Variants in ROBO1 observed in about 807,000 individuals in gnomAD.
ROBO1 encodes the protein roundabout homolog 1.
A neutral mutation model predicts 195.9 loss-of-function variants in ROBO1; 149 were observed. The observed-to-expected ratio is 0.76, with a 90% CI of 0.67 to 0.87. The LOEUF (loss-of-function observed/expected upper bound fraction) is 0.87. ROBO1 is among the 40% of genes least tolerant of loss of function. The probability of loss-of-function intolerance (pLI) is 0.00; values close to 1 mark genes in which losing one functional copy is unlikely to be tolerated. For missense variants in ROBO1, 1,933 were observed against 2,068.3 expected (o/e 0.93, Z 1.27); for synonymous variants, 816 against 733.2 (o/e 1.11, Z -1.82).
chr3:79,604,729 T>C (rs929291072), intron 1 of ROBO1, among the ~76,000 whole-genome samples: 4 of 152,014 alleles, frequency 2.6e-5, no homozygotes, highest in African/African-American at 9.7e-5. Context: ...ATGTATTACT[T>C]AGCCAATTTA....
At chr3:79,219,547 A>G (rs990178119) in intron 2 of ROBO1, among the ~76,000 whole-genome samples, 1 of 152,018 alleles carries the variant, frequency 6.6e-6, no homozygotes, top group African/African-American at 2.4e-5. Context: ...CAAAAGGGCT[A>G]AGTTGAACCA....
chr3:78,708,934 TA>T (rs1443670742), intron 8 of ROBO1, among the ~76,000 whole-genome samples: 1 of 152,168 alleles, frequency 6.6e-6, no homozygotes, highest in Non-Finnish European at 1.5e-5. Context: ...AATAACAATG[TA>T]ATAAATCAAA....
chr3:78,927,521 T>C (rs2039287990), intron 4 of ROBO1, among the ~76,000 whole-genome samples: 1 of 152,206 alleles, frequency 6.6e-6, no homozygotes, highest in East Asian at 1.9e-4. Flanking sequence ...CATATCATTT[T>C]TGAATATTTT....
rs560096030 is a variant in ROBO1 at position 79,406,452 on chromosome 3, T to A, written c.88+183372A>T. ...TCTCAAAAAAAGATAATAATAATAA[T>A]AAAACACCAAAACAGCAACAAAAAA... On this transcript the variant is annotated intron_variant, in intron 2 of 30. Coordinates refer to ENST00000464233, the MANE Select transcript of ROBO1 (RefSeq NM_002941.4). Among the ~76,000 whole-genome samples the A allele has an allele frequency of 4.6e-5, 7 of 151,620 alleles. No individual in the cohort carries two copies. In the South Asian group the frequency reaches 1.0e-3, roughly 23 times the overall value.
chr3:79,691,857 G>C (rs1373857115), intron 1 of ROBO1, among the ~76,000 whole-genome samples: 1 of 151,856 alleles, frequency 6.6e-6, no homozygotes, highest in Non-Finnish European at 1.5e-5. Flanking sequence ...TGGTGTTGCT[G>C]TTTCAGTCAT....
At chr3:79,749,627 C>A (rs1050262679) in intron 1 of ROBO1, among the ~76,000 whole-genome samples, 11 of 152,176 alleles carry the variant, frequency 7.2e-5, no homozygotes, top group African/African-American at 2.7e-4. Context: ...GCCCCGTGTT[C>A]CAGCAACTCC....
intron 3 of ROBO1, among the ~76,000 whole-genome samples, chr3:79,033,939 C>A (rs2078338956): frequency 6.6e-6 from 1 of 152,192 alleles, no homozygotes; most frequent in Non-Finnish European, 1.5e-5. Flanking sequence ...GTGTCTATTA[C>A]AAATCAGGAG....
rs1312062752 is a variant in ROBO1 at position 79,601,573 on chromosome 3, C to T, written c.-50-11612G>A. 4.6e-5 allele frequency among the ~76,000 whole-genome samples: 7 copies of T among 151,836 alleles called. No individual in the cohort carries two copies. The East Asian group carries it at 7.8e-4, about 17-fold the overall frequency. On this transcript the variant is annotated intron_variant, in intron 1 of 30. Transcript: ENST00000464233. ...GGAAGGATGAATGAAAACAGTAGTA[C>T]GAACACAGACATGTATGCAACTGAA...
chr3:78,714,870 T>G, intron 7 of ROBO1: 1 of 180,816 alleles, frequency 5.5e-6, no homozygotes, highest in Non-Finnish European at 1.1e-5. Flanking sequence ...GATTTTATCC[T>G]TCTAAGTTTG....
intron 1 of ROBO1, among the ~76,000 whole-genome samples, chr3:79,678,755 G>C (rs554395965): frequency 6.6e-6 from 1 of 152,142 alleles, no homozygotes; most frequent in Admixed American, 6.6e-5. Context: ...ATACCACAAA[G>C]GAGCACGGAT....
chr3:79,035,219 T>C (rs1050734475), intron 3 of ROBO1, among the ~76,000 whole-genome samples: 3 of 152,172 alleles, frequency 2.0e-5, no homozygotes, highest in Admixed American at 2.0e-4. Context: ...AACTTTTAAG[T>C]CAAGTCTCTT....
At chr3:79,396,929 T>G (rs2037177067) in intron 2 of ROBO1, among the ~76,000 whole-genome samples, 2 of 152,082 alleles carry the variant, frequency 1.3e-5, no homozygotes, top group Non-Finnish European at 2.9e-5. Flanking sequence ...CATGCATACA[T>G]TCACAATAAA....
At chr3:78,862,064 A>T (rs187044993) in intron 4 of ROBO1, among the ~76,000 whole-genome samples, 2 of 152,294 alleles carry the variant, frequency 1.3e-5, no homozygotes, top group Admixed American at 6.5e-5. Flanking sequence ...AGGTTACCGA[A>T]CTTAAGATAG....
chr3:79,189,411 A>T (rs1360944848), intron 2 of ROBO1, among the ~76,000 whole-genome samples: 2 of 151,782 alleles, frequency 1.3e-5, no homozygotes, highest in African/African-American at 4.8e-5. Flanking sequence ...CAGAACAGAG[A>T]GAATGAGAAA....
chr3:79,498,499 A>G (rs536703237), intron 2 of ROBO1, among the ~76,000 whole-genome samples: 1 of 152,296 alleles, frequency 6.6e-6, no homozygotes, highest in South Asian at 2.1e-4. Flanking sequence ...CTGTAATTCG[A>G]CAGTATACCT....
chr3:78,794,634 T>C (rs1241312893), intron 4 of ROBO1, among the ~76,000 whole-genome samples: 2 of 152,148 alleles, frequency 1.3e-5, no homozygotes, highest in African/African-American at 4.8e-5. Context: ...CTGGAGTGCA[T>C]TGGTGTGATC....
intron 1 of ROBO1, among the ~76,000 whole-genome samples, chr3:79,740,083 AAAT>A (rs1422191137): frequency 6.6e-6 from 1 of 151,018 alleles, no homozygotes; most frequent in African/African-American, 2.4e-5. Context: ...CTTTAATATA[AAAT>A]AATAATTTAC....
rs992565764 is a variant in ROBO1 at position 78,829,833 on chromosome 3, T to G, written c.500-82933A>C. ...ATGGGTAAATAAGGACCAGGCTGTATGAACATATTTCATGATGGAAATCTA... is the reference window on the plus strand; with the variant it reads ...ATGGGTAAATAAGGACCAGGCTGTAGGAACATATTTCATGATGGAAATCTA... On this transcript the variant is annotated intron_variant, in intron 4 of 30. Coordinates refer to ENST00000464233, the MANE Select transcript of ROBO1 (RefSeq NM_002941.4). 4.6e-5 allele frequency among the ~76,000 whole-genome samples: 7 copies of G among 152,208 alleles called. No individual in the cohort carries two copies. The East Asian group carries it at 1.3e-3, about 29-fold the overall frequency.
At chr3:79,478,086 G>A (rs536357983) in intron 2 of ROBO1, among the ~76,000 whole-genome samples, 1 of 152,000 alleles carries the variant, frequency 6.6e-6, no homozygotes, top group East Asian at 1.9e-4. Context: ...TAATAACTTG[G>A]TTGGCTGTAA....
Sources: allele counts gnomAD v4.1 joint callset (sites outside exome capture counted in the v4.1 genomes callset), GRCh38; gene constraint gnomAD v4.1.1; transcripts MANE v1.5; gene names NCBI Gene and HGNC (gene_info 2026-07-23, HGNC 2026-07-21).